Variants in ADAMTS17 observed in about 807,000 individuals in gnomAD.
ADAMTS17 encodes A disintegrin and metalloproteinase with thrombospondin motifs 17.
ADAMTS17 carries 113 observed loss-of-function variants against 141.5 expected under a neutral mutation model. The observed-to-expected ratio is 0.80, with a 90% CI of 0.69 to 0.93. The LOEUF is 0.93. Ranked by LOEUF, ADAMTS17 falls within the 40% of genes least tolerant of loss-of-function variation. The pLI is 0.00. For synonymous variants in ADAMTS17, 768 were observed against 630.6 expected (o/e 1.22, Z -3.27); for missense variants, 1,659 against 1,517.9 (o/e 1.09, Z -1.54).
chr15:100,247,928 A>G (rs1318372590), intron 7 of ADAMTS17, among the ~76,000 whole-genome samples: 1 of 152,150 alleles, frequency 6.6e-6, no homozygotes. Context: ...TCACACCGGA[A>G]GGGCAGTGGG....
At chr15:100,181,290 T>C (rs776834584) in intron 8 of ADAMTS17, among the ~76,000 whole-genome samples, 16 of 152,208 alleles carry the variant, frequency 1.1e-4, no homozygotes, top group Non-Finnish European at 1.5e-4. Context: ...AAGAGCCCAC[T>C]TGGTGCTCCA....
intron 6 of ADAMTS17, among the ~76,000 whole-genome samples, chr15:100,259,390 T>G (rs542689671): frequency 7.8e-4 from 119 of 152,334 alleles, no homozygotes; most frequent in Non-Finnish European, 1.4e-3. Flanking sequence ...AGTCGCCAAA[T>G]GCCATTGCAA....
At position 99,997,828 on chromosome 15, in the gene ADAMTS17, T is replaced by G. The variant is rs2060835736; in HGVS notation, c.2592-239A>C. Among the ~76,000 whole-genome samples, 1 of 152,190 alleles carries G rather than the reference T, an allele frequency of 6.6e-6. No homozygotes were observed. Among genetic ancestry groups the G allele is most frequent in the South Asian group, 2.1e-4 (1 of 4,832 alleles). On this transcript the variant is annotated intron_variant, in intron 18 of 21. Transcript: ENST00000268070. This position sits in a 1 kb window ranked among gnomAD's most constrained non-coding sequence, Gnocchi z 4.7. ...GACATCTTTCTGCAACCAACACCCC[T>G]ACGGCAGACAGAATTATCTGGTCAC...
intron 18 of ADAMTS17, among the ~76,000 whole-genome samples, chr15:100,025,045 G>T (rs1561046): frequency 6.6e-6 from 1 of 152,096 alleles, no homozygotes; most frequent in Non-Finnish European, 1.5e-5. Flanking sequence ...TCGGTCTTGG[G>T]TTGAGAGTGG....
chr15:100,255,776 G>A (rs759187714), intron 6 of ADAMTS17, among the ~76,000 whole-genome samples: 16 of 152,212 alleles, frequency 1.1e-4, no homozygotes, highest in Non-Finnish European at 1.5e-4. Flanking sequence ...AAGTGAAGCC[G>A]CAGGCCAAGG....
chr15:100,232,669 G>C (rs1264292689), intron 7 of ADAMTS17, among the ~76,000 whole-genome samples: 2 of 152,234 alleles, frequency 1.3e-5, no homozygotes, highest in African/African-American at 4.8e-5. Flanking sequence ...GTCTTCCTGT[G>C]TCAGTGGACA....
chr15:100,269,252 G>T (rs1184732410), intron 4 of ADAMTS17, among the ~76,000 whole-genome samples: 2 of 152,198 alleles, frequency 1.3e-5, no homozygotes, highest in South Asian at 4.1e-4. Context: ...AAAAGCAATT[G>T]TAACAAAAAC....
rs185732799 is a variant in ADAMTS17 at position 100,023,700 on chromosome 15, G to A, written c.2591+25157C>T. 5.9e-5 allele frequency among the ~76,000 whole-genome samples: 9 copies of A among 152,194 alleles called. No individual in the cohort carries two copies. The East Asian group carries it at 7.7e-4, about 13-fold the overall frequency. On this transcript the variant is annotated intron_variant, in intron 18 of 21. Transcript: ENST00000268070. ...AAGTCAGACTCTAGCACAGAGCCTC[G>A]TGCTTCTTAAGGACCTCATGAATGT...
At chr15:100,052,098 G>C (rs1221920385) in intron 16 of ADAMTS17, among the ~76,000 whole-genome samples, 1 of 152,242 alleles carries the variant, frequency 6.6e-6, no homozygotes, top group Non-Finnish European at 1.5e-5. Context: ...CACCCACAAA[G>C]CTGCCCTTGC....
In ADAMTS17 at chr15:100,318,150, C is replaced by T. The variant is rs1160188808; in HGVS notation, c.616+12739G>A. 4.6e-5 allele frequency among the ~76,000 whole-genome samples: 7 copies of T among 151,998 alleles called. 1 individual carries two copies. Among genetic ancestry groups the T allele is most frequent in the Non-Finnish European group, 7.4e-5 (5 of 67,992 alleles). On this transcript the variant is annotated intron_variant, in intron 3 of 21. Transcript: ENST00000268070. ...TGATGAGACGATGACATTTCTGACA[C>T]GCCTGAGTCCAAGGAATGAAACAGT...
intron 14 of ADAMTS17, among the ~76,000 whole-genome samples, chr15:100,103,273 G>T (rs575641427): frequency 4.6e-5 from 7 of 152,308 alleles, no homozygotes; most frequent in East Asian, 1.9e-4. Context: ...CAGCTGCAGG[G>T]TCACGGTGCA....
chr15:100,181,374 CAGA>C (rs1004270518), intron 8 of ADAMTS17, among the ~76,000 whole-genome samples: 1 of 152,180 alleles, frequency 6.6e-6, no homozygotes, highest in African/African-American at 2.4e-5. Context: ...TTTTCTCAAG[CAGA>C]AGGAGTCTCT....
rs1456744745 is a variant in ADAMTS17, at chr15:99,974,507, G to A, written c.3183C>T (p.Ile1061=). 6.2e-7 allele frequency: 1 copy of A among 1,614,240 alleles called. No homozygotes were observed. Among genetic ancestry groups the A allele is most frequent in the Non-Finnish European group, 8.5e-7 (1 of 1,180,026 alleles). Residue 1061 remains isoleucine, a synonymous_variant, in exon 22 of 22, where the codon ATC becomes ATT. Transcript: ENST00000268070. Reference sequence around the variant, plus strand: ...TGTCCTGGCAGAGGTTCTTTTCTCGGATGACCCGGCAATATACCGTCCACT... The same window carrying A: ...TGTCCTGGCAGAGGTTCTTTTCTCGAATGACCCGGCAATATACCGTCCACT... ...RDQWTVYCRV[I]REKNLCQDMR...
intron 4 of ADAMTS17, among the ~76,000 whole-genome samples, chr15:100,262,737 A>G (rs2043569134): frequency 6.6e-6 from 1 of 151,578 alleles, no homozygotes; most frequent in South Asian, 2.1e-4. Flanking sequence ...TTCATAACAA[A>G]TTTAAAAATC....
intron 7 of ADAMTS17, 30 bp downstream of exon 7, chr15:100,254,106 C>T (rs1277506319): frequency 2.5e-6 from 4 of 1,606,026 alleles, no homozygotes; most frequent in East Asian, 4.5e-5. Context: ...GTATCAGCCC[C>T]TTAGATTATT....
chr15:100,325,577 G>C (rs1395490803), intron 3 of ADAMTS17, among the ~76,000 whole-genome samples: 4 of 152,128 alleles, frequency 2.6e-5, no homozygotes, highest in Non-Finnish European at 4.4e-5. Flanking sequence ...GAATGGCTTA[G>C]TGCCATCCCC....
intron 18 of ADAMTS17, among the ~76,000 whole-genome samples, chr15:100,005,408 C>T (rs2061018638): frequency 6.6e-6 from 1 of 152,140 alleles, no homozygotes; most frequent in African/African-American, 2.4e-5. Flanking sequence ...AAGAATCTGT[C>T]TCCTGCCTTT....
At chr15:100,189,141 C>A (rs978649986) in intron 8 of ADAMTS17, among the ~76,000 whole-genome samples, 1 of 152,372 alleles carries the variant, frequency 6.6e-6, no homozygotes, top group African/African-American at 2.4e-5. Flanking sequence ...TCCAAGACTA[C>A]ACTGTGAAGT....
At position 100,078,778 on chromosome 15, in the gene ADAMTS17, C is replaced by T. The variant is rs541235911; in HGVS notation, c.2137+17578G>A. Among the ~76,000 whole-genome samples the T allele has an allele frequency of 5.1e-4, 78 of 152,254 alleles. 1 individual carries two copies. Among genetic ancestry groups the T allele is most frequent in the African/African-American group, 1.8e-3 (73 of 41,556 alleles). On this transcript the variant is annotated intron_variant, in intron 15 of 21. Coordinates refer to ENST00000268070, the MANE Select transcript of ADAMTS17 (RefSeq NM_139057.4). The stretch of plus-strand genomic sequence containing the variant: ...AAGATACCATCAAGAGAGTGAAAAG[C>T]CAACTCATACACTGGGAGAAAATCT...
Sources: allele counts gnomAD v4.1 joint callset (sites outside exome capture counted in the v4.1 genomes callset), GRCh38; gene constraint gnomAD v4.1.1; non-coding constraint Gnocchi (gnomAD v3.1); transcripts MANE v1.5; gene names NCBI Gene and HGNC (gene_info 2026-07-23, HGNC 2026-07-21).